The following CREB5 variants were observed in gnomAD, a reference collection of about 807,000 sequenced individuals.
The protein encoded by CREB5 is cyclic AMP-responsive element-binding protein 5.
In CREB5, 19 loss-of-function variants were observed where a neutral mutation model predicts 57.1. That is an observed-to-expected ratio of 0.33 (90% CI 0.23 to 0.49). The LOEUF is 0.49. Ranked by LOEUF, CREB5 falls within the 20% of genes least tolerant of loss-of-function variation. CREB5 has a pLI of 0.99. For synonymous variants in CREB5, 238 were observed against 238.3 expected, an observed-to-expected ratio of 1.00 and a Z score of 0.01; for missense variants, 579 against 671.6, an observed-to-expected ratio of 0.86 and a Z score of 1.52.
intron 7 of CREB5, among the ~76,000 whole-genome samples, chr7:28,761,593 C>T (rs1488106359): frequency 2.3e-4 from 35 of 152,298 alleles, no homozygotes; most frequent in Admixed American, 2.1e-3. Flanking sequence ...TTCACGGCAT[C>T]GTACCAATAT....
intron 5 of CREB5, among the ~76,000 whole-genome samples, chr7:28,658,131 G>A (rs1007226377): frequency 2.6e-5 from 4 of 152,124 alleles, no homozygotes; most frequent in South Asian, 2.1e-4. Context: ...TCATAAGGGC[G>A]GAGCACGGCT....
In CREB5 at chr7:28,821,544, ATCATTT is replaced by A. The variant is rs1226412748; in HGVS notation, c.*2268_*2273del. 1 of 152,036 alleles carries A rather than the reference ATCATTT, an allele frequency of 6.6e-6. No individual in the cohort carries two copies. The highest frequency in any genetic ancestry group is 1.5e-5 in the Non-Finnish European group (1 of 67,970). The allele number at this position is 152,036 out of a possible 1,614,324, so 9.4% of individuals were successfully genotyped here. ...TTTCTATTATATTTTAGACAAACATATCATTTTCGAGTATTTTAAATACTGAATTCA... is the reference window on the plus strand; with the variant it reads ...TTTCTATTATATTTTAGACAAACATATCGAGTATTTTAAATACTGAATTCA... On this transcript the variant is annotated 3_prime_UTR_variant, in exon 11 of 11. Transcript: ENST00000357727.
At chr7:28,747,634 C>G (rs998470555) in intron 7 of CREB5, among the ~76,000 whole-genome samples, 6 of 152,142 alleles carry the variant, frequency 3.9e-5, no homozygotes, top group Non-Finnish European at 7.3e-5. Flanking sequence ...AGACAGCAGG[C>G]AAAGAAGACC....
chr7:28,488,833 C>T (rs1212953879), intron 2 of CREB5, among the ~76,000 whole-genome samples: 5 of 152,228 alleles, frequency 3.3e-5, no homozygotes, highest in South Asian at 2.1e-4. Context: ...TGTGGGAATT[C>T]GAAGAGATAC....
chr7:28,702,035 T>G (rs893515820), intron 5 of CREB5, among the ~76,000 whole-genome samples: 20 of 152,182 alleles, frequency 1.3e-4, no homozygotes, highest in African/African-American at 4.3e-4. Context: ...GAAAATGAAT[T>G]TTCTCAGCCA....
chr7:28,792,478 G>A (rs1807775019), intron 7 of CREB5, among the ~76,000 whole-genome samples: 1 of 152,162 alleles, frequency 6.6e-6, no homozygotes, highest in Admixed American at 6.5e-5. Flanking sequence ...ATGCGTATCA[G>A]CTCAGAAGAA....
chr7:28,406,562 C>T (rs1193273918), intron 1 of CREB5, among the ~76,000 whole-genome samples: 5 of 152,244 alleles, frequency 3.3e-5, no homozygotes, highest in Non-Finnish European at 5.9e-5. Flanking sequence ...TGTCTCCACA[C>T]GTCTGACAGG....
intron 1 of CREB5, among the ~76,000 whole-genome samples, chr7:28,329,546 C>T (rs867075152): frequency 8.5e-5 from 13 of 152,334 alleles, no homozygotes; most frequent in South Asian, 2.1e-4. Flanking sequence ...TTTGACTTCT[C>T]GCCGACTTGT....
chr7:28,365,400 C>T (rs1214273076), intron 1 of CREB5, among the ~76,000 whole-genome samples: 2 of 152,222 alleles, frequency 1.3e-5, no homozygotes, highest in East Asian at 3.9e-4. Context: ...ACCTTTGCTC[C>T]CGGAATTATC....
chr7:28,464,493 TTGCGTGTG>T (rs1209612930), intron 1 of CREB5, among the ~76,000 whole-genome samples: 137 of 107,830 alleles, frequency 1.3e-3, no homozygotes, highest in African/African-American at 4.9e-3. Flanking sequence ...TTGTGGAAAG[TTGCGTGTG>T]TGTGTGTGTG....
intron 5 of CREB5, among the ~76,000 whole-genome samples, chr7:28,571,427 C>T (rs1193281796): frequency 6.6e-6 from 1 of 152,146 alleles, no homozygotes; most frequent in Non-Finnish European, 1.5e-5. Context: ...TTAGCCCTCT[C>T]CTTCCTCTAC....
chr7:28,402,477 T>C (rs1201947464), intron 1 of CREB5, among the ~76,000 whole-genome samples: 1 of 152,224 alleles, frequency 6.6e-6, no homozygotes. Context: ...AAAACAGAGA[T>C]ATAGACAAAT....
chr7:28,353,017 A>T (rs1194419575), intron 1 of CREB5, among the ~76,000 whole-genome samples: 2 of 152,016 alleles, frequency 1.3e-5, no homozygotes, highest in East Asian at 3.9e-4. Context: ...ATGGGTAAAA[A>T]TTTTCTTCAA....
intron 4 of CREB5, among the ~76,000 whole-genome samples, chr7:28,520,031 A>C (rs1443841237): frequency 6.6e-6 from 1 of 152,232 alleles, no homozygotes; most frequent in African/African-American, 2.4e-5. Context: ...AGAAGGGAAA[A>C]TAGGAATGGT....
intron 5 of CREB5, among the ~76,000 whole-genome samples, chr7:28,657,359 C>T (rs1012238691): frequency 3.9e-5 from 6 of 152,238 alleles, no homozygotes; most frequent in Middle Eastern, 3.4e-3. Flanking sequence ...AGAGCAGGGT[C>T]GATCCTCAGT....
At chr7:28,377,932 A>C (rs1786871749) in intron 1 of CREB5, among the ~76,000 whole-genome samples, 1 of 1,528 alleles carries the variant, frequency 6.5e-4, no homozygotes, top group Non-Finnish European at 2.0e-3. Flanking sequence ...ACTCTATCTC[A>C]AAAAAAAAAA....
intron 1 of CREB5, among the ~76,000 whole-genome samples, chr7:28,415,242 G>A (rs59989084): frequency 0.023 from 3,487 of 152,156 alleles, 159 homozygotes; most frequent in African/African-American, 0.079. Flanking sequence ...GGCTTTACAC[G>A]GATGGTAGGG....
intron 7 of CREB5, among the ~76,000 whole-genome samples, chr7:28,731,113 T>C (rs553777812): frequency 7.5e-4 from 114 of 152,144 alleles, no homozygotes; most frequent in Non-Finnish European, 1.4e-3. Flanking sequence ...TATTAAAGAA[T>C]TAAAAGCAAT....
chr7:28,496,947 A>G (rs1382738578), intron 3 of CREB5, among the ~76,000 whole-genome samples: 2 of 152,186 alleles, frequency 1.3e-5, no homozygotes, highest in South Asian at 2.1e-4. Context: ...TGTATCCGTT[A>G]TGTTCTATAG....
Sources: allele counts gnomAD v4.1 joint callset (sites outside exome capture counted in the v4.1 genomes callset), GRCh38; gene constraint gnomAD v4.1.1; transcripts MANE v1.5; gene names NCBI Gene and HGNC (gene_info 2026-07-23, HGNC 2026-07-21).